Variants in MASP1 observed in about 807,000 individuals in gnomAD.
MASP1 encodes the protein mannan-binding lectin serine protease 1.
Under a neutral mutation model 77.1 loss-of-function variants are expected in MASP1, and 59 were observed. The ratio of observed to expected loss-of-function variants is 0.77; its 90% CI spans 0.62 to 0.95. The LOEUF (loss-of-function observed/expected upper bound fraction) is 0.95, where lower values mean the gene tolerates loss of function less well. Ranked by LOEUF, MASP1 falls within the 40% of genes least tolerant of loss-of-function variation. MASP1 has a pLI of 0.00. For synonymous variants in MASP1, 362 were observed against 354.5 expected (o/e 1.02, Z -0.24); for missense variants, 885 against 912.9 (o/e 0.97, Z 0.39).
intron 13 of MASP1, among the ~76,000 whole-genome samples, chr3:187,223,752 G>A (rs1386580281): frequency 1.3e-5 from 2 of 152,236 alleles, no homozygotes; most frequent in Admixed American, 6.5e-5. Context: ...CAATGTGGAA[G>A]TGGGTTGAGC....
exon 16 of MASP1, chr3:187,220,086 G>A (rs755180331): frequency 3.1e-6 from 5 of 1,613,650 alleles, no homozygotes; most frequent in African/African-American, 1.3e-5. Flanking sequence ...TCCTCACTCC[G>A]GTGACCCTCT....
intron 14 of MASP1, chr3:187,221,277 C>G: frequency 1.4e-6 from 1 of 690,088 alleles, no homozygotes; most frequent in Non-Finnish European, 2.7e-6. Context: ...CTGCCCCATG[C>G]TACAGGTGAA....
chr3:187,235,793 C>A lies in MASP1; in HGVS notation c.2078G>T (p.Gly693Val). Residue 693 changes from glycine (G) to valine (V), a missense_variant, in exon 11 of 11, where the codon GGC becomes GTC. Coordinates refer to ENST00000296280, the MANE Select transcript of MASP1 (RefSeq NM_139125.4). ...GTAGACTCCATAGACCTGCTTGCTG[C>A]CGCATTCTTCAGGTCCCCCCCAGGA... The part of the protein sequence containing the change: ...LVSWGGPEEC[G>V]SKQVYGVYTK... 1.2e-6 allele frequency: 2 copies of A among 1,614,096 alleles called. No individual in the cohort carries two copies. Among genetic ancestry groups the A allele is most frequent in the Non-Finnish European group, 1.7e-6 (2 of 1,180,006 alleles).
exon 16 of MASP1, chr3:187,220,121 T>A (rs1247031627): frequency 9.9e-6 from 16 of 1,613,988 alleles, no homozygotes; most frequent in Non-Finnish European, 1.4e-5. Context: ...TTGTGGTGGA[T>A]GTAAGAGTAT....
At chr3:187,225,562 A>T in intron 12 of MASP1, 1 of 1,590,524 alleles carries the variant, frequency 6.3e-7, no homozygotes, top group East Asian at 2.2e-5. Flanking sequence ...ATAAGGTCAC[A>T]CCTTGTTCCC....
In MASP1 at chr3:187,236,187, G is replaced by C. The variant is rs72549155; in HGVS notation, c.1684C>G (p.Pro562Ala). The change falls in exon 11 of 11, where the codon CCT (proline) becomes GCT (alanine). Residue 562 changes from proline (P) to alanine (A), a missense_variant. By Grantham distance (27) the Pro-to-Ala change is conservative. Transcript: ENST00000296280. Reference sequence around the variant, plus strand: ...ATAACGTGGGGTCCCAGGGGCACAGGCTCCTGCAGCTGCACCAGAGCTATA... The same window carrying C: ...ATAACGTGGGGTCCCAGGGGCACAGCCTCCTGCAGCTGCACCAGAGCTATA... ...HDIALVQLQE[P>A]VPLGPHVMPV... 302 of 1,614,124 alleles carry C rather than the reference G, an allele frequency of 1.9e-4. 4 individuals are homozygous for C. In the East Asian group the frequency reaches 2.5e-3, roughly 13 times the overall value.
chr3:187,219,084 T>C (rs1711891679), exon 16 of MASP1: 1 of 152,194 alleles, frequency 6.6e-6, no homozygotes, highest in Admixed American at 6.5e-5. Flanking sequence ...CCCATGTCCT[T>C]GGGAACCCAC....
At chr3:187,246,242 GA>G (rs1296300913) in intron 8 of MASP1, 1 of 318,520 alleles carries the variant, frequency 3.1e-6, no homozygotes, top group African/African-American at 2.2e-5. Flanking sequence ...TTCTTTGATG[GA>G]ATATATCTAA....
intron 9 of MASP1, 116 bp from the exon 10 acceptor site, chr3:187,241,671 T>A: frequency 1.3e-6 from 1 of 743,960 alleles, no homozygotes; most frequent in Non-Finnish European, 2.5e-6. Flanking sequence ...GTCCTCCAAA[T>A]GGTCATCTAG....
intron 2 of MASP1, among the ~76,000 whole-genome samples, 153 bp from the exon 3 acceptor site, chr3:187,262,873 A>G (rs1306701421): frequency 1.3e-5 from 2 of 152,236 alleles, no homozygotes; most frequent in Non-Finnish European, 2.9e-5. Context: ...TTGAGAAAAG[A>G]CGCATTACAA....
intron 4 of MASP1, among the ~76,000 whole-genome samples, chr3:187,259,874 A>C (rs962890979): frequency 1.3e-5 from 2 of 152,198 alleles, no homozygotes; most frequent in South Asian, 2.1e-4. Context: ...ATCCTGGACC[A>C]CACTAATCTA....
At chr3:187,291,006 C>G (rs777138873) in intron 1 of MASP1, among the ~76,000 whole-genome samples, 3 of 150,082 alleles carry the variant, frequency 2.0e-5, no homozygotes, top group Non-Finnish European at 4.4e-5. Context: ...TATGATATCT[C>G]TTTAAGAGCC....
At chr3:187,227,774 T>TGGTCTGG (rs1022751965) in intron 11 of MASP1, among the ~76,000 whole-genome samples, 10 of 152,310 alleles carry the variant, frequency 6.6e-5, no homozygotes, top group African/African-American at 2.2e-4. Flanking sequence ...CAGCCTGCCT[T>TGGTCTGG]GGTCTGGGGC....
chr3:187,279,643 A>G (rs1717253290), intron 2 of MASP1, among the ~76,000 whole-genome samples: 1 of 152,194 alleles, frequency 6.6e-6, no homozygotes, highest in Non-Finnish European at 1.5e-5. Flanking sequence ...ACGTCTCCCC[A>G]AAACATGCCA....
In MASP1 at chr3:187,234,336, G is replaced by C. The variant is rs1191303145; in HGVS notation, c.*1348C>G. The C allele has an allele frequency of 2.0e-5, 26 of 1,287,256 alleles. No homozygotes were observed. The highest frequency in any genetic ancestry group is 2.5e-5 in the Non-Finnish European group (25 of 988,698). 79.7% of individuals were successfully genotyped at this position (1,287,256 alleles called of 1,614,324 possible). A position where few individuals can be genotyped will look rare whatever the true frequency, so the allele number is the denominator to read the frequency against. On this transcript the variant is annotated 3_prime_UTR_variant, in exon 11 of 11. Transcript: ENST00000296280. ...GATTTTCAGGAGAGAGAGCTCCAGG[G>C]AGAAGGAGAACAATCAGCCCTGTGA...
At chr3:187,285,352 C>T (rs920512456) in intron 2 of MASP1, among the ~76,000 whole-genome samples, 13 of 152,178 alleles carry the variant, frequency 8.5e-5, no homozygotes, top group Admixed American at 7.9e-4. Flanking sequence ...CACTCACCTT[C>T]CTACTTCATC....
downstream of MASP1, chr3:187,229,843 C>T (rs150028177): frequency 1.9e-4 from 303 of 1,614,070 alleles, no homozygotes; most frequent in African/African-American, 1.7e-3. Context: ...CTGGGCTGGG[C>T]GTCCATTGAA....
At chr3:187,236,859 C>T (rs926047413) in intron 10 of MASP1, among the ~76,000 whole-genome samples, 1 of 152,176 alleles carries the variant, frequency 6.6e-6, no homozygotes, top group African/African-American at 2.4e-5. Flanking sequence ...CTGGCTAAGA[C>T]CACTTGTGAC....
intron 3 of MASP1, 145 bp from the exon 4 acceptor site, chr3:187,261,017 G>A: frequency 1.0e-6 from 1 of 975,086 alleles, no homozygotes; most frequent in Non-Finnish European, 1.6e-6. Context: ...CAGCCCAGAG[G>A]TAGCCATTAT....
Sources: allele counts gnomAD v4.1 joint callset (sites outside exome capture counted in the v4.1 genomes callset), GRCh38; gene constraint gnomAD v4.1.1; transcripts MANE v1.5; gene names NCBI Gene and HGNC (gene_info 2026-07-23, HGNC 2026-07-21).